The following DSCAML1 variants were observed in gnomAD, a reference collection of about 807,000 sequenced individuals.
The protein encoded by DSCAML1 is DS cell adhesion molecule like 1, also known as cell adhesion molecule DSCAML1.
Under a neutral mutation model 200.5 loss-of-function variants are expected in DSCAML1, and 38 were observed. That is an observed-to-expected ratio of 0.19 (90% confidence interval 0.15 to 0.25). The LOEUF is 0.25. DSCAML1 is among the 10% of genes least tolerant of loss of function. DSCAML1 has a pLI of 1.00. For missense variants in DSCAML1, 2,223 were observed against 2,858.8 expected, an observed-to-expected ratio of 0.78 and a Z score of 5.07; for synonymous variants, 1,215 against 1,165.0, an observed-to-expected ratio of 1.04 and a Z score of -0.87.
rs552062637 is a variant in DSCAML1, at chr11:117,524,691, G to T, written c.937+114C>A. On this transcript the variant is annotated intron_variant, in intron 5 of 32. Transcript: ENST00000651296. The stretch of plus-strand genomic sequence containing the variant: ...AGACTGCCTTCCCCAGTCAGCCAGG[G>T]TTATTCCCAGGGCCTGGTCAGAGAC... 78 of 1,328,762 alleles carry T rather than the reference G, an allele frequency of 5.9e-5. 2 individuals are homozygous for T. In the South Asian group the frequency reaches 6.0e-4, roughly 10 times the overall value. 82.3% of individuals were successfully genotyped at this position (1,328,762 alleles called of 1,614,324 possible).
intron 31 of DSCAML1, 66 bp from the exon 32 acceptor site, chr11:117,431,099 T>G: frequency 6.8e-7 from 1 of 1,467,750 alleles, no homozygotes; most frequent in Non-Finnish European, 9.3e-7. Flanking sequence ...GACTGAGCAC[T>G]TCCCCTGCCC....
At chr11:117,618,773 G>A (rs1335244862) in intron 3 of DSCAML1, among the ~76,000 whole-genome samples, 1 of 152,190 alleles carries the variant, frequency 6.6e-6, no homozygotes, top group Non-Finnish European at 1.5e-5. Context: ...GGGCCAAGGA[G>A]AGCACAGGGT....
At chr11:117,483,057 C>G (rs749379976) in intron 11 of DSCAML1, among the ~76,000 whole-genome samples, 1 of 152,224 alleles carries the variant, frequency 6.6e-6, no homozygotes, top group Non-Finnish European at 1.5e-5. Flanking sequence ...CGGAAGCCCC[C>G]GTCCCTACTG....
chr11:117,740,002 G>A (rs998078236), intron 3 of DSCAML1, among the ~76,000 whole-genome samples: 7 of 152,280 alleles, frequency 4.6e-5, no homozygotes, highest in South Asian at 2.1e-4. Flanking sequence ...GGGCTGTGAC[G>A]TGTGCAAGTC....
intron 2 of DSCAML1, among the ~76,000 whole-genome samples, chr11:117,778,725 G>C (rs1014265707): frequency 1.3e-5 from 2 of 152,206 alleles, no homozygotes; most frequent in Non-Finnish European, 2.9e-5. Context: ...AACCCAATGA[G>C]GGGGAGGTGA....
chr11:117,681,706 C>T (rs1235740929), intron 3 of DSCAML1, among the ~76,000 whole-genome samples: 1 of 152,140 alleles, frequency 6.6e-6, no homozygotes, highest in Non-Finnish European at 1.5e-5. Flanking sequence ...AAACAGAAAA[C>T]CCACATGGGA....
In DSCAML1 at chr11:117,640,984, G is replaced by A. The variant is rs192240900; in HGVS notation, c.512-108462C>T. 4.1e-4 allele frequency among the ~76,000 whole-genome samples: 63 copies of A among 152,316 alleles called. 2 individuals are homozygous for A. The East Asian group carries it at 0.011, about 26-fold the overall frequency. ...TAATACAAAGGCCAGACACATAGCC[G>A]TAACTCTTGAAAAAAGCTTATTTGG... On this transcript the variant is annotated intron_variant, in intron 3 of 32. Coordinates refer to ENST00000651296, the MANE Select transcript of DSCAML1 (RefSeq NM_020693.4).
intron 3 of DSCAML1, among the ~76,000 whole-genome samples, chr11:117,638,374 G>A (rs187862563): frequency 4.2e-5 from 6 of 144,426 alleles, no homozygotes; most frequent in African/African-American, 1.0e-4. Flanking sequence ...GTTTGCAACC[G>A]CTCTGTTGAG....
intron 3 of DSCAML1, among the ~76,000 whole-genome samples, chr11:117,639,663 G>A (rs1487164059): frequency 1.3e-5 from 2 of 152,142 alleles, no homozygotes; most frequent in Non-Finnish European, 2.9e-5. Flanking sequence ...GAAGGAGGAT[G>A]CAGACGGTAG....
intron 3 of DSCAML1, among the ~76,000 whole-genome samples, chr11:117,729,036 G>A (rs968133291): frequency 7.9e-5 from 12 of 152,146 alleles, no homozygotes; most frequent in African/African-American, 2.9e-4. Context: ...CAAAGCTACG[G>A]TAATCAAGAT....
At chr11:117,771,412 G>T (rs2055038055) in intron 3 of DSCAML1, among the ~76,000 whole-genome samples, 1 of 152,206 alleles carries the variant, frequency 6.6e-6, no homozygotes, top group Admixed American at 6.5e-5. Context: ...TTCTTGTTAG[G>T]ATGGCTGTTT....
chr11:117,800,547 G>T (rs2055647909), upstream of DSCAML1, among the ~76,000 whole-genome samples: 1 of 152,206 alleles, frequency 6.6e-6, no homozygotes, highest in South Asian at 2.1e-4. Flanking sequence ...TTCTGCATTG[G>T]CACCTATGCA....
Position 117,489,208 on chromosome 11 carries a change from C to A in DSCAML1, c.2360-7046G>T, listed in dbSNP as rs1021322411. Among the ~76,000 whole-genome samples, 1 of 152,158 alleles carries A rather than the reference C, an allele frequency of 6.6e-6. No individual in the cohort carries two copies. The highest frequency in any genetic ancestry group is 2.1e-4 in the South Asian group (1 of 4,834). On this transcript the variant is annotated intron_variant, in intron 11 of 32. Coordinates refer to ENST00000651296, the MANE Select transcript of DSCAML1 (RefSeq NM_020693.4). The surrounding 1 kb of genome is among the most constrained non-coding windows in gnomAD (Gnocchi z 4.8). ...TGTCACCAAAAAGCTGTGGCCTCTG[C>A]GGCGGGGCAGCTGCAGCAGGTACTC...
At position 117,695,123 on chromosome 11, in the gene DSCAML1, A is replaced by G. The variant is rs193118192; in HGVS notation, c.511+81668T>C. Among the ~76,000 whole-genome samples the G allele has an allele frequency of 3.9e-5, 6 of 152,288 alleles. No homozygotes were observed. In the East Asian group the frequency reaches 1.2e-3, roughly 29 times the overall value. On this transcript the variant is annotated intron_variant, in intron 3 of 32. Coordinates refer to ENST00000651296, the MANE Select transcript of DSCAML1 (RefSeq NM_020693.4). ...AGGGAGATATTACAAGGTCCTAAAG[A>G]AAAGCAGTGACAGTAGGAAAAAAGG...
chr11:117,603,490 G>C (rs951300942), intron 3 of DSCAML1, among the ~76,000 whole-genome samples: 1 of 152,220 alleles, frequency 6.6e-6, no homozygotes, highest in Non-Finnish European at 1.5e-5. Flanking sequence ...AATGGTGATA[G>C]TGAACTACCT....
Position 117,763,622 on chromosome 11 carries a change from TC to T in DSCAML1, c.511+13168del, listed in dbSNP as rs532813246. ...ATCCTGAGCCCAGCCAGGCTGCTTT[TC>T]CCCAAGAGCAGCCCATTGTTCTCAG... On this transcript the variant is annotated intron_variant, in intron 3 of 32. Coordinates refer to ENST00000651296, the MANE Select transcript of DSCAML1 (RefSeq NM_020693.4). 2.0e-4 allele frequency among the ~76,000 whole-genome samples: 30 copies of T among 151,166 alleles called. No individual in the cohort carries two copies. In the South Asian group the frequency reaches 2.5e-3, roughly 13 times the overall value.
chr11:117,769,552 A>ATTT (rs1555030182), intron 3 of DSCAML1, among the ~76,000 whole-genome samples: 1 of 67,912 alleles, frequency 1.5e-5, no homozygotes, highest in Non-Finnish European at 2.5e-5. Flanking sequence ...TATATTTTAT[A>ATTT]TATATATTTT....
At chr11:117,794,285 G>T (rs772008625) in intron 1 of DSCAML1, among the ~76,000 whole-genome samples, 2 of 152,128 alleles carry the variant, frequency 1.3e-5, no homozygotes, top group African/African-American at 4.8e-5. Flanking sequence ...ATGCTGGCAC[G>T]CTGGATGGAA....
At position 117,519,047 on chromosome 11, in the gene DSCAML1, T is replaced by C. The variant is rs147758806; in HGVS notation, c.1214-285A>G. ...AGTCTTTTGTCTCATGGACGGAGGA[T>C]GGGGATAATAGCAATCATGATTATA... On this transcript the variant is annotated intron_variant, in intron 6 of 32. Coordinates refer to ENST00000651296, the MANE Select transcript of DSCAML1 (RefSeq NM_020693.4). Among the ~76,000 whole-genome samples, 11 of 152,336 alleles carry C rather than the reference T, an allele frequency of 7.2e-5. No individual in the cohort carries two copies. The East Asian group carries it at 2.1e-3, about 29-fold the overall frequency.
Sources: allele counts gnomAD v4.1 joint callset (sites outside exome capture counted in the v4.1 genomes callset), GRCh38; gene constraint gnomAD v4.1.1; non-coding constraint Gnocchi (gnomAD v3.1); transcripts MANE v1.5; gene names NCBI Gene and HGNC (gene_info 2026-07-23, HGNC 2026-07-21).